ROBO2: variants seen among roughly 807,000 people sequenced by gnomAD.
ROBO2 encodes the protein roundabout homolog 2.
A neutral mutation model predicts 160.8 loss-of-function variants in ROBO2; 53 were observed. The ratio of observed to expected loss-of-function variants is 0.33; its 90% CI spans 0.26 to 0.41. The LOEUF (loss-of-function observed/expected upper bound fraction) is 0.41. Among genes scored for constraint, ROBO2 ranks in the 10% least tolerant of loss-of-function variants. The pLI is 1.00. For missense variants in ROBO2, 1,577 were observed against 1,722.4 expected (o/e 0.92, Z 1.49); for synonymous variants, 664 against 611.7 (o/e 1.09, Z -1.26).
intron 2 of ROBO2, among the ~76,000 whole-genome samples, chr3:76,707,758 T>TATATATATATATATATAC (rs1436799496): frequency 2.1e-5 from 3 of 146,172 alleles, no homozygotes; most frequent in Non-Finnish European, 3.0e-5. Flanking sequence ...TATATATATA[T>TATATATATATATATATAC]ATAAATCTTA....
chr3:77,012,751 C>G (rs1282953782), intron 2 of ROBO2, among the ~76,000 whole-genome samples: 1 of 152,188 alleles, frequency 6.6e-6, no homozygotes. Context: ...TGGCACAGAA[C>G]TACTGAATTC....
At chr3:76,418,333 T>C (rs1251364898) in intron 2 of ROBO2, among the ~76,000 whole-genome samples, 4 of 152,008 alleles carry the variant, frequency 2.6e-5, no homozygotes, top group African/African-American at 9.7e-5. Flanking sequence ...AACCTCATCC[T>C]GGGTTCAAGC....
chr3:77,394,849 A>G (rs2075113105), intron 2 of ROBO2, among the ~76,000 whole-genome samples: 2 of 152,260 alleles, frequency 1.3e-5, no homozygotes, highest in Admixed American at 6.5e-5. Context: ...GTTGGTATCA[A>G]GATATCGACA....
chr3:77,268,763 A>AATTTTTGT lies in ROBO2; in HGVS notation c.388+170426_388+170433dup, dbSNP rs144897943. ...GACATCTATTGCTAAACTAAAGTTG[A>AATTTTTGT]ATTTTTGTATCTACTCCTTTTCCCC... On this transcript the variant is annotated intron_variant, in intron 2 of 25. Transcript: ENST00000461745. Among the ~76,000 whole-genome samples, 62 of 152,302 alleles carry AATTTTTGT rather than the reference A, an allele frequency of 4.1e-4. No homozygotes were observed. In the East Asian group the frequency reaches 6.6e-3, roughly 16 times the overall value.
intron 2 of ROBO2, among the ~76,000 whole-genome samples, chr3:76,308,237 C>T (rs189368827): frequency 4.0e-5 from 6 of 151,456 alleles, no homozygotes; most frequent in African/African-American, 1.2e-4. Context: ...ATTAGCTGGG[C>T]GTGGTGGTGG....
At chr3:77,625,628 G>A (rs1484539200) in intron 23 of ROBO2, among the ~76,000 whole-genome samples, 5 of 151,954 alleles carry the variant, frequency 3.3e-5, no homozygotes, top group Non-Finnish European at 7.4e-5. Context: ...CATCTGCCTC[G>A]GCCTCCCAAA....
intron 2 of ROBO2, among the ~76,000 whole-genome samples, chr3:77,467,227 T>A (rs779110178): frequency 6.6e-6 from 1 of 152,242 alleles, no homozygotes; most frequent in African/African-American, 2.4e-5. Context: ...TATATTTTAA[T>A]TTAAAAGTGC....
chr3:77,254,276 A>G (rs922981653), intron 2 of ROBO2, among the ~76,000 whole-genome samples: 2 of 152,158 alleles, frequency 1.3e-5, no homozygotes, highest in African/African-American at 4.8e-5. Flanking sequence ...AGAAAGAAAA[A>G]ATAGTTTTCT....
chr3:77,069,491 AAAT>A (rs1283023851), intron 1 of ROBO2, among the ~76,000 whole-genome samples: 2 of 152,190 alleles, frequency 1.3e-5, no homozygotes, highest in African/African-American at 4.8e-5. Context: ...TCAATGAAGA[AAAT>A]AAAGAATATA....
intron 2 of ROBO2, among the ~76,000 whole-genome samples, chr3:76,185,215 T>TATATATATATATATATATACACACAC: frequency 4.4e-5 from 4 of 90,312 alleles, no homozygotes; most frequent in Non-Finnish European, 6.9e-5. Context: ...TATATATATA[T>TATATATATATATATATATACACACAC]ACACACACAA....
At chr3:77,458,533 A>G (rs1409918486) in intron 2 of ROBO2, among the ~76,000 whole-genome samples, 2 of 151,994 alleles carry the variant, frequency 1.3e-5, no homozygotes, top group African/African-American at 4.8e-5. Flanking sequence ...CAGAAGAAGA[A>G]TGTAACACTG....
At chr3:76,572,837 T>G (rs1411773772) in intron 2 of ROBO2, among the ~76,000 whole-genome samples, 2 of 152,174 alleles carry the variant, frequency 1.3e-5, no homozygotes, top group Admixed American at 1.3e-4. Flanking sequence ...TCCATAGACT[T>G]TGTCCATCAT....
intron 2 of ROBO2, among the ~76,000 whole-genome samples, chr3:76,318,533 G>A (rs529115409): frequency 1.7e-3 from 261 of 152,062 alleles, no homozygotes; most frequent in Middle Eastern, 0.01. Context: ...TGCTTGGAGG[G>A]GTTATTTAAT....
At chr3:75,975,106 G>T (rs930115264) in intron 2 of ROBO2, among the ~76,000 whole-genome samples, 1 of 151,186 alleles carries the variant, frequency 6.6e-6, no homozygotes, top group Non-Finnish European at 1.5e-5. Context: ...TACATACTTC[G>T]GGATTAGAAT....
intron 2 of ROBO2, among the ~76,000 whole-genome samples, chr3:77,451,522 C>A (rs1026044767): frequency 1.3e-5 from 2 of 152,164 alleles, no homozygotes; most frequent in Admixed American, 1.3e-4. Flanking sequence ...CACATTGCAT[C>A]CCAATGCTAG....
In ROBO2 at chr3:77,273,834, C is replaced by T. The variant is rs116805748; in HGVS notation, c.388+175494C>T. 6.2e-3 allele frequency among the ~76,000 whole-genome samples: 948 copies of T among 152,186 alleles called. 6 individuals carry two copies. Among genetic ancestry groups the T allele is most frequent in the African/African-American group, 0.022 (915 of 41,520 alleles). On this transcript the variant is annotated intron_variant, in intron 2 of 25. Transcript: ENST00000461745. ...CAGAGGGAACTTTTTGGTGTGGTGA[C>T]GATGGTCTGCATCACCATCGTGTCA... is the stretch of plus-strand genomic sequence containing the variant.
rs869307615 is a variant in ROBO2 at position 76,073,267 on chromosome 3, C to CTTTTTTTTTT, written c.109+135700_109+135709dup. On this transcript the variant is annotated intron_variant, in intron 2 of 26. Transcript: ENST00000487694. ...TTGTAAACTTCTCAGAATGAGTATT[C>CTTTTTTTTTT]TTTTTTTTTTTTTTTTTTTTTTTTT... Among the ~76,000 whole-genome samples the CTTTTTTTTTT allele has an allele frequency of 5.4e-4, 31 of 57,398 alleles. 10 individuals carry two copies. The highest frequency in any genetic ancestry group is 8.8e-4 in the Non-Finnish European group (25 of 28,422). The allele number at this position is 57,398 out of a possible 152,430, so 37.7% of individuals were successfully genotyped here.
intron 2 of ROBO2, among the ~76,000 whole-genome samples, chr3:76,287,447 C>T (rs976330983): frequency 6.6e-6 from 1 of 152,026 alleles, no homozygotes; most frequent in Admixed American, 6.6e-5. Flanking sequence ...AGGCACCCAC[C>T]ACCATGCCCG....
At chr3:75,968,607 T>C (rs779698950) in intron 2 of ROBO2, among the ~76,000 whole-genome samples, 1 of 151,522 alleles carries the variant, frequency 6.6e-6, no homozygotes, top group Non-Finnish European at 1.5e-5. Flanking sequence ...ACCTAAAAAA[T>C]ATACTTTTAG....
Sources: gnomAD v4.1 joint callset for allele counts (sites outside exome capture counted in the v4.1 genomes callset) on GRCh38, gnomAD v4.1.1 for gene constraint, MANE v1.5 for transcripts, NCBI Gene and HGNC (gene_info 2026-07-23, HGNC 2026-07-21) for gene names.